Variants in RNF150 observed in about 807,000 individuals in gnomAD.
RNF150 encodes ring finger protein 150.
Under a neutral mutation model 39.3 loss-of-function variants are expected in RNF150, and 24 were observed. That is an observed-to-expected ratio of 0.61 (90% CI 0.44 to 0.86). The LOEUF is 0.86. Ranked by LOEUF, RNF150 falls within the 40% of genes least tolerant of loss-of-function variation. The pLI is 0.00. For missense variants in RNF150, 502 were observed against 587.8 expected, an observed-to-expected ratio of 0.85 and a Z score of 1.51; for synonymous variants, 255 against 227.3, an observed-to-expected ratio of 1.12 and a Z score of -1.10.
At chr4:141,104,961 A>G (rs986425265) in intron 1 of RNF150, among the ~76,000 whole-genome samples, 17 of 152,162 alleles carry the variant, frequency 1.1e-4, no homozygotes, top group Admixed American at 3.3e-4. Context: ...GCCTCCAGAC[A>G]TTGATTAACC....
intron 1 of RNF150, among the ~76,000 whole-genome samples, chr4:141,188,931 G>A (rs867907958): frequency 6.6e-6 from 1 of 152,198 alleles, no homozygotes. Context: ...CTGGCGAGGA[G>A]TTATGATCCT....
At chr4:140,954,328 C>A (rs776873697) in intron 2 of RNF150, among the ~76,000 whole-genome samples, 30 of 152,106 alleles carry the variant, frequency 2.0e-4, no homozygotes, top group Non-Finnish European at 3.7e-4. Context: ...GATTCTCATA[C>A]CTCAGCCTCC....
At chr4:141,087,720 T>C (rs1738420628) in intron 1 of RNF150, among the ~76,000 whole-genome samples, 1 of 152,268 alleles carries the variant, frequency 6.6e-6, no homozygotes, top group Non-Finnish European at 1.5e-5. Flanking sequence ...ATTTTTTTAC[T>C]GTGGGTCAGT....
intron 1 of RNF150, among the ~76,000 whole-genome samples, chr4:141,168,909 G>A (rs1011588367): frequency 6.6e-6 from 1 of 152,050 alleles, no homozygotes; most frequent in African/African-American, 2.4e-5. Flanking sequence ...AAACATGAAC[G>A]TTCTGCACAT....
At chr4:140,869,220 T>A (rs944477974) in intron 6 of RNF150, among the ~76,000 whole-genome samples, 1 of 152,234 alleles carries the variant, frequency 6.6e-6, no homozygotes, top group African/African-American at 2.4e-5. Context: ...ATTAAAATGA[T>A]GTTTTCAAAG....
intron 1 of RNF150, among the ~76,000 whole-genome samples, chr4:141,209,448 T>G (rs928990168): frequency 6.6e-5 from 10 of 152,206 alleles, no homozygotes; most frequent in Admixed American, 6.5e-4. Context: ...TTGCAGTCTT[T>G]TTCCATTATG....
chr4:141,043,538 T>G (rs1195403315), intron 1 of RNF150, among the ~76,000 whole-genome samples: 1 of 152,174 alleles, frequency 6.6e-6, no homozygotes, highest in Non-Finnish European at 1.5e-5. Context: ...AAGTTCTATA[T>G]AGGGAGACTA....
chr4:141,084,072 T>C (rs945869407), intron 1 of RNF150, among the ~76,000 whole-genome samples: 3 of 152,230 alleles, frequency 2.0e-5, no homozygotes, highest in African/African-American at 7.2e-5. Flanking sequence ...CATATTCAAA[T>C]AGAATACACC....
chr4:141,190,776 C>T (rs1728098665), intron 1 of RNF150, among the ~76,000 whole-genome samples: 1 of 152,138 alleles, frequency 6.6e-6, no homozygotes, highest in Admixed American at 6.5e-5. Context: ...TGTCTTCTGT[C>T]CTGTTAATCC....
intron 5 of RNF150, among the ~76,000 whole-genome samples, chr4:140,924,688 T>C (rs1731318914): frequency 6.6e-6 from 1 of 152,214 alleles, no homozygotes; most frequent in Admixed American, 6.5e-5. Context: ...GGTAGAGCTC[T>C]TGGGTTTTTA....
At chr4:140,970,811 G>A (rs1465417529) in intron 1 of RNF150, among the ~76,000 whole-genome samples, 1 of 152,084 alleles carries the variant, frequency 6.6e-6, no homozygotes, top group Non-Finnish European at 1.5e-5. Context: ...AAATGGCAGT[G>A]GGGAGGGCCT....
intron 6 of RNF150, 50 bp downstream of exon 6, chr4:140,911,094 C>A (rs1392149106): frequency 1.4e-6 from 2 of 1,463,042 alleles, no homozygotes; most frequent in Non-Finnish European, 1.9e-6. Context: ...CCAATTCCTA[C>A]AAGGCAACAG....
chr4:140,980,163 C>T (rs1733808537), intron 1 of RNF150, among the ~76,000 whole-genome samples: 1 of 152,066 alleles, frequency 6.6e-6, no homozygotes, highest in South Asian at 2.1e-4. Context: ...CTGTCTTAGC[C>T]TTCTGGGGTG....
At chr4:140,883,746 G>A (rs1305335029) in intron 6 of RNF150, among the ~76,000 whole-genome samples, 1 of 152,076 alleles carries the variant, frequency 6.6e-6, no homozygotes, top group Non-Finnish European at 1.5e-5. Context: ...TGATTGTAAT[G>A]TGTCTCAGTG....
chr4:140,947,218 C>T (rs1186500593), intron 4 of RNF150, among the ~76,000 whole-genome samples: 1 of 151,900 alleles, frequency 6.6e-6, no homozygotes, highest in Non-Finnish European at 1.5e-5. Flanking sequence ...TGGCTTCCTA[C>T]TTACTTCTGA....
At chr4:141,187,829 G>T (rs904300412) in intron 1 of RNF150, among the ~76,000 whole-genome samples, 3 of 152,024 alleles carry the variant, frequency 2.0e-5, no homozygotes, top group African/African-American at 2.4e-5. Context: ...TTTTAATTGG[G>T]GCATTTAGCC....
At chr4:140,968,953 G>A (rs16998476) in intron 1 of RNF150, among the ~76,000 whole-genome samples, 3,219 of 151,944 alleles carry the variant, frequency 0.021, 127 homozygotes, top group African/African-American at 0.074. Context: ...CAGAGGCCTC[G>A]CATCCACATG....
chr4:141,112,630 C>T (rs1739422750), intron 1 of RNF150, among the ~76,000 whole-genome samples: 3 of 152,098 alleles, frequency 2.0e-5, no homozygotes, highest in African/African-American at 7.2e-5. Flanking sequence ...GTGGGTAACC[C>T]AATCTTCTCT....
intron 1 of RNF150, among the ~76,000 whole-genome samples, chr4:141,180,549 G>A (rs552077786): frequency 1.3e-5 from 2 of 152,204 alleles, no homozygotes; most frequent in African/African-American, 4.8e-5. Flanking sequence ...CTGGAACTCT[G>A]CTTAGTCTTT....
Sources: allele counts gnomAD v4.1 joint callset (sites outside exome capture counted in the v4.1 genomes callset), GRCh38; gene constraint gnomAD v4.1.1; transcripts MANE v1.5; gene names NCBI Gene and HGNC (gene_info 2026-07-23, HGNC 2026-07-21).